Variants in PREPL observed in about 807,000 individuals in gnomAD.
PREPL encodes the protein prolyl endopeptidase-like.
A neutral mutation model predicts 70.6 loss-of-function variants in PREPL; 77 were observed. The observed-to-expected ratio is 1.09, with a 90% CI of 0.91 to 1.32. The LOEUF (loss-of-function observed/expected upper bound fraction) is 1.32, where lower values mean the gene tolerates loss of function less well. Ranked by LOEUF, PREPL falls within the 40% of genes most tolerant of loss-of-function variation. The probability of loss-of-function intolerance (pLI) is 0.00; values close to 1 mark genes in which losing one functional copy is unlikely to be tolerated. For synonymous variants in PREPL, 315 were observed against 264.8 expected (o/e 1.19, Z -1.84); for missense variants, 1,002 against 778.2 (o/e 1.29, Z -3.42).
chr2:44,320,111 G>T lies in PREPL; in HGVS notation c.*1245C>A. 1 of 1,196,560 alleles carries T rather than the reference G, an allele frequency of 8.4e-7. No homozygotes were observed. 74.1% of individuals were successfully genotyped at this position (1,196,560 alleles called of 1,614,324 possible). On this transcript the variant is annotated 3_prime_UTR_variant, in exon 14 of 14. Coordinates refer to ENST00000409411, the MANE Select transcript of PREPL (RefSeq NM_001171613.2). ...GGGCAAAATTGGAGCAAGTGTTTTGGGTAAATAACTCCTTACAATATATTA... is the reference window on the plus strand; with the variant it reads ...GGGCAAAATTGGAGCAAGTGTTTTGTGTAAATAACTCCTTACAATATATTA...
chr2:44,322,124 T>C (rs1673027342), intron 12 of PREPL, among the ~76,000 whole-genome samples: 1 of 152,118 alleles, frequency 6.6e-6, no homozygotes, highest in Admixed American at 6.6e-5. Context: ...AAAGACTATA[T>C]GGTGCCACAC....
At chr2:44,334,692 C>A (rs1021601486) in intron 7 of PREPL, among the ~76,000 whole-genome samples, 5 of 152,164 alleles carry the variant, frequency 3.3e-5, no homozygotes, top group Non-Finnish European at 7.3e-5. Flanking sequence ...ACTATAGGCA[C>A]CTGCCACCAC....
rs1672722906 is a variant in PREPL at position 44,319,354 on chromosome 2, C to G, written c.*2002G>C. The G allele has an allele frequency of 6.6e-6, 1 of 152,548 alleles. No individual in the cohort carries two copies. Among genetic ancestry groups the G allele is most frequent in the African/African-American group, 2.4e-5 (1 of 41,408 alleles). The allele number at this position is 152,548 out of a possible 1,614,324, so 9.4% of individuals were successfully genotyped here. ...CCATACTCTTTGACAAAGTAACTGTCTTTCTGATAATCTATCTTAAGTAAT... is the reference window on the plus strand; with the variant it reads ...CCATACTCTTTGACAAAGTAACTGTGTTTCTGATAATCTATCTTAAGTAAT... On this transcript the variant is annotated 3_prime_UTR_variant, in exon 14 of 14. Coordinates refer to ENST00000409411, the MANE Select transcript of PREPL (RefSeq NM_001171613.2).
In PREPL at chr2:44,355,754, TATA is replaced by T. The variant is rs1558521924; in HGVS notation, c.-49+5623_-49+5625del. On this transcript the variant is annotated intron_variant, in intron 1 of 13. Coordinates refer to ENST00000409411, the MANE Select transcript of PREPL (RefSeq NM_001171613.2). ...GCAAGATATACAAAACTACATATTA[TATA>T]TATATATATATATATATATATACAC... is the stretch of plus-strand genomic sequence containing the variant. 9.4e-3 allele frequency among the ~76,000 whole-genome samples: 737 copies of T among 78,742 alleles called. 3 individuals carry two copies. The highest frequency in any genetic ancestry group is 0.012 in the Non-Finnish European group (520 of 41,838). 51.7% of individuals were successfully genotyped at this position (78,742 alleles called of 152,430 possible).
chr2:44,355,954 G>A (rs1676997670), intron 1 of PREPL, among the ~76,000 whole-genome samples: 1 of 151,910 alleles, frequency 6.6e-6, no homozygotes, highest in South Asian at 2.1e-4. Flanking sequence ...TTATTTTTTA[G>A]GCAGAGCAGA....
At chr2:44,359,468 A>T in intron 1 of PREPL, 2 of 1,480,142 alleles carry the variant, frequency 1.4e-6, no homozygotes, top group Non-Finnish European at 1.9e-6. Context: ...TTAATGACCT[A>T]CAAATAGGTT....
chr2:44,344,724 T>C (rs189317157), intron 2 of PREPL, 138 bp from the exon 3 acceptor site: 2 of 564,700 alleles, frequency 3.5e-6, no homozygotes, highest in African/African-American at 3.9e-5. Context: ...ACATATGAAA[T>C]ATAAAATTGA....
intron 5 of PREPL, among the ~76,000 whole-genome samples, chr2:44,341,544 C>T (rs1423607369): frequency 6.6e-6 from 1 of 151,860 alleles, no homozygotes; most frequent in Non-Finnish European, 1.5e-5. Context: ...AACTACTTGA[C>T]CAAATAGTTG....
In PREPL at chr2:44,346,302, T is replaced by C; in HGVS notation, c.41A>G (p.Gln14Arg). The change falls in exon 2 of 14, where the codon CAG becomes CGG. Residue 14 changes from glutamine (Q) to arginine (R), a missense_variant. Gln to Arg is a conservative substitution (Grantham distance 43). Transcript: ENST00000409411. ...FEKVRTKLET[Q>R]PQEEYEIINV... is the part of the protein sequence containing the mutation. ...GATGATTTCATATTCTTCTTGTGGC[T>C]GTGTTTCTAATTTTGTTCTCACTTT... 2 of 1,612,822 alleles carry C rather than the reference T, an allele frequency of 1.2e-6. No individual in the cohort carries two copies. The highest frequency in any genetic ancestry group is 1.7e-4 in the Middle Eastern group (1 of 6,054).
chr2:44,318,271 T>C lies in PREPL; in HGVS notation c.*3085A>G. 3.4e-6 allele frequency: 1 copy of C among 289,918 alleles called. No individual in the cohort carries two copies. The highest frequency in any genetic ancestry group is 2.6e-5 in the South Asian group (1 of 37,832). The allele number at this position is 289,918 out of a possible 1,614,324, so 18.0% of individuals were successfully genotyped here. ...ATGCCCGGGTAATTTCTGTATTTTT[T>C]AGTAGAGATGGTGTTTCACCATGTT... On this transcript the variant is annotated 3_prime_UTR_variant, in exon 14 of 14. Transcript: ENST00000409411.
chr2:44,338,281 T>A, intron 7 of PREPL, 70 bp downstream of exon 7: 1 of 1,354,682 alleles, frequency 7.4e-7, no homozygotes, highest in Non-Finnish European at 1.0e-6. Context: ...ATTCAAAATG[T>A]GATGTTCTGT....
In PREPL at chr2:44,318,265, A is replaced by AT. The variant is rs1415618663; in HGVS notation, c.*3090dup. On this transcript the variant is annotated 3_prime_UTR_variant, in exon 14 of 14. Transcript: ENST00000409411. The stretch of plus-strand genomic sequence containing the variant: ...GTCATTATGCCCGGGTAATTTCTGT[A>AT]TTTTTTAGTAGAGATGGTGTTTCAC... The AT allele has an allele frequency of 2.0e-5, 6 of 296,044 alleles. No individual in the cohort carries two copies. Among genetic ancestry groups the AT allele is most frequent in the South Asian group, 5.1e-5 (2 of 39,146 alleles). 18.3% of individuals were successfully genotyped at this position (296,044 alleles called of 1,614,324 possible). A position where few individuals can be genotyped will look rare whatever the true frequency, so the allele number is the denominator to read the frequency against.
chr2:44,323,499 C>G (rs1177681222), intron 10 of PREPL, 88 bp from the exon 11 acceptor site: 2 of 1,051,234 alleles, frequency 1.9e-6, no homozygotes, highest in East Asian at 2.8e-5. Context: ...AATATACATA[C>G]TAATATGAGA....
chr2:44,347,541 G>C (rs1162707940), intron 1 of PREPL, among the ~76,000 whole-genome samples: 1 of 152,204 alleles, frequency 6.6e-6, no homozygotes, highest in African/African-American at 2.4e-5. Context: ...CTTTATTTGA[G>C]TTCTGGTAAG....
At chr2:44,347,149 A>G in intron 1 of PREPL, 1 of 151,980 alleles carries the variant, frequency 6.6e-6, no homozygotes, top group Non-Finnish European at 1.5e-5. Context: ...TGGGCAACAT[A>G]GCGAGACCCC....
intron 1 of PREPL, chr2:44,360,141 C>T (rs1422808303): frequency 1.3e-5 from 2 of 154,342 alleles, no homozygotes; most frequent in Non-Finnish European, 1.4e-5. Flanking sequence ...GGTAAAAAGC[C>T]CTTTGGTCTT....
At chr2:44,361,753 CAG>C (rs1677848143), upstream of PREPL, 4 of 493,090 alleles carry the variant, frequency 8.1e-6, no homozygotes, top group Non-Finnish European at 1.3e-5. Flanking sequence ...AGCCCTGCCA[CAG>C]CTCTCTCATC....
In PREPL at chr2:44,328,969, A is replaced by G. The variant is rs948010275; in HGVS notation, c.1230T>C (p.Asp410=). Residue 410 remains aspartate (D), a synonymous_variant, in exon 9 of 14, where the codon GAT becomes GAC. Coordinates refer to ENST00000409411, the MANE Select transcript of PREPL (RefSeq NM_001171613.2). ...NFRPERRVLV[D]DGWILAYCHV... ...GGCAGTATGCTAATATCCATCCATC[A>G]TCCACCAGGACCCGCCTCTCAGGCC... is the stretch of plus-strand genomic sequence containing the variant. 34 of 1,613,846 alleles carry G rather than the reference A, an allele frequency of 2.1e-5. No individual in the cohort carries two copies. The highest frequency in any genetic ancestry group is 2.9e-5 in the Non-Finnish European group (34 of 1,179,954).
chr2:44,322,635 A>G lies in PREPL; in HGVS notation c.1753+96T>C, dbSNP rs562355193. On this transcript the variant is annotated intron_variant, in intron 12 of 13. Transcript: ENST00000409411. ...ATTGTTTGCCCTAAATCCTGGGCAG[A>G]TGATTTGGCTACAGCCTGAAATATA... The G allele has an allele frequency of 3.2e-5, 46 of 1,454,076 alleles. No homozygotes were observed. The South Asian group carries it at 5.3e-4, about 17-fold the overall frequency. 90.1% of individuals were successfully genotyped at this position (1,454,076 alleles called of 1,614,324 possible).
Sources: gnomAD v4.1 joint callset for allele counts (sites outside exome capture counted in the v4.1 genomes callset) on GRCh38, gnomAD v4.1.1 for gene constraint, MANE v1.5 for transcripts, NCBI Gene and HGNC (gene_info 2026-07-23, HGNC 2026-07-21) for gene names.